The following TGFBR3L variants were observed in gnomAD, a reference collection of about 807,000 sequenced individuals.
TGFBR3L encodes transforming growth factor-beta receptor type 3-like protein.
Under a neutral mutation model 20.4 loss-of-function variants are expected in TGFBR3L, and 21 were observed. The observed-to-expected ratio is 1.03, with a 90% CI of 0.73 to 1.48. TGFBR3L has a LOEUF of 1.48. Ranked by LOEUF, TGFBR3L falls within the 40% of genes most tolerant of loss-of-function variation. The pLI is 0.00. For synonymous variants in TGFBR3L, 245 were observed against 244.2 expected (o/e 1.00, Z -0.03); for missense variants, 479 against 498.0 (o/e 0.96, Z 0.36).
In TGFBR3L at chr19:7,916,857, G is replaced by A; in HGVS notation, c.512G>A (p.Cys171Tyr). 7.2e-7 allele frequency: 1 copy of A among 1,396,988 alleles called. No individual in the cohort carries two copies. The highest frequency in any genetic ancestry group is 1.6e-5 in the South Asian group (1 of 63,458). The allele number at this position is 1,396,988 out of a possible 1,614,324, so 86.5% of individuals were successfully genotyped here. A position where few individuals can be genotyped will look rare whatever the true frequency, so the allele number is the denominator to read the frequency against. The change falls in exon 2 of 6, where the codon TGC becomes TAC. Residue 171 changes from cysteine to tyrosine, a missense_variant. Cys to Tyr is a radical substitution (Grantham distance 194). Coordinates refer to ENST00000565886, the MANE Select transcript of TGFBR3L (RefSeq NM_001195259.2). ...AACGCCTCGGTGCAGTTCCTGCACT[G>A]CCAGCTGAGCCGCTGCCGCCGCCTC...
chr19:7,918,637 G>T, intron 5 of TGFBR3L: 1 of 351,478 alleles, frequency 2.8e-6, no homozygotes, highest in East Asian at 4.3e-5. Context: ...CGAGAATGAT[G>T]AGGCATTCTC....
chr19:7,917,650 GGGA>G, intron 3 of TGFBR3L, 48 bp from the exon 5 acceptor site: 2 of 1,428,108 alleles, frequency 1.4e-6, no homozygotes, highest in Non-Finnish European at 1.8e-6. Context: ...CAGAGCGGGT[GGGA>G]AGGACGCCTG....
Position 7,919,021 on chromosome 19 carries a change from C to T in TGFBR3L, c.*110C>T, listed in dbSNP as rs1983455862. On this transcript the variant is annotated 3_prime_UTR_variant, in exon 6 of 6. Transcript: ENST00000565886. ...TCCCTGGACCTCGGACCTGATGAGG[C>T]CACGACCCCTGCGCTTCTCTCCTCC... The T allele has an allele frequency of 5.0e-6, 2 of 398,902 alleles. No homozygotes were observed. Among genetic ancestry groups the T allele is most frequent in the Non-Finnish European group, 8.8e-6 (2 of 226,260 alleles). 24.7% of individuals were successfully genotyped at this position (398,902 alleles called of 1,614,324 possible). A position where few individuals can be genotyped will look rare whatever the true frequency, so the allele number is the denominator to read the frequency against.
Position 7,914,970 on chromosome 19 carries a change from G to GT in TGFBR3L, c.-1295dup, listed in dbSNP as rs2145152718. 6.6e-6 allele frequency among the ~76,000 whole-genome samples: 1 copy of GT among 152,216 alleles called. No homozygotes were observed. The highest frequency in any genetic ancestry group is 2.1e-4 in the South Asian group (1 of 4,818). ...ACGGGTCTGTCATGCTTCTATCCCT[G>GT]TTTCACCCTCTTTATTTTTTTTGAG... On this transcript the variant is annotated 5_prime_UTR_variant, in exon 1 of 6. Transcript: ENST00000565886.
At position 7,916,250 on chromosome 19, in the gene TGFBR3L, A is replaced by G. The variant is rs1983281099; in HGVS notation, c.-18A>G. The G allele has an allele frequency of 6.5e-7, 1 of 1,529,640 alleles. No individual in the cohort carries two copies. The highest frequency in any genetic ancestry group is 2.5e-5 in the East Asian group (1 of 40,774). The allele number at this position is 1,529,640 out of a possible 1,614,324, so 94.8% of individuals were successfully genotyped here. On this transcript the variant is annotated 5_prime_UTR_variant, in exon 1 of 6. Coordinates refer to ENST00000565886, the MANE Select transcript of TGFBR3L (RefSeq NM_001195259.2). ...GGGGCACATCACCGTCAGGGGGGAA[A>G]GTGGCGCGGAGCCCATCATGGGTGA...
chr19:7,916,890 T>C lies in TGFBR3L; in HGVS notation c.545T>C (p.Val182Ala). ...AGCCGCTGCCGCCGCCTCCGGGGAG[T>C]CCGCCGGGCGCCTGCGCCTCTGACG... is the stretch of plus-strand genomic sequence containing the variant. The change falls in exon 2 of 6, where the codon GTC becomes GCC. Residue 182 changes from valine to alanine, a missense_variant. Transcript: ENST00000565886. 7.4e-7 allele frequency: 1 copy of C among 1,343,700 alleles called. No individual in the cohort carries two copies. The highest frequency in any genetic ancestry group is 9.5e-7 in the Non-Finnish European group (1 of 1,052,340). 83.2% of individuals were successfully genotyped at this position (1,343,700 alleles called of 1,614,324 possible). A position where few individuals can be genotyped will look rare whatever the true frequency, so the allele number is the denominator to read the frequency against.
chr19:7,917,783 G>A lies in TGFBR3L; in HGVS notation c.807G>A (p.Val269=). 1 of 1,439,734 alleles carries A rather than the reference G, an allele frequency of 6.9e-7. No homozygotes were observed. Among genetic ancestry groups the A allele is most frequent in the Non-Finnish European group, 9.1e-7 (1 of 1,104,334 alleles). The allele number at this position is 1,439,734 out of a possible 1,614,324, so 89.2% of individuals were successfully genotyped here. Residue 269 remains valine, a synonymous_variant, in exon 4 of 6, where the codon GTG becomes GTA. Transcript: ENST00000565886. Reference sequence around the variant, plus strand: ...CCGCGGCCCTGGAACCCGCGCCGGTGGTGGCGCTGGTGTTGGCAGCCTTCG... The same window carrying A: ...CCGCGGCCCTGGAACCCGCGCCGGTAGTGGCGCTGGTGTTGGCAGCCTTCG...
In TGFBR3L at chr19:7,917,606, A is replaced by T; in HGVS notation, c.724+7A>T. On this transcript the variant is annotated splice_region_variant and intron_variant, in intron 3 of 5. Coordinates refer to ENST00000565886, the MANE Select transcript of TGFBR3L (RefSeq NM_001195259.2). ...GTGCCGCGGCCGCCCCCCAGTGAGC[A>T]CGCAGTCCTCCTCCGCATGGGGCCG... 1 of 1,470,696 alleles carries T rather than the reference A, an allele frequency of 6.8e-7. No homozygotes were observed. Among genetic ancestry groups the T allele is most frequent in the Non-Finnish European group, 9.0e-7 (1 of 1,113,124 alleles). The allele number at this position is 1,470,696 out of a possible 1,614,324, so 91.1% of individuals were successfully genotyped here.
chr19:7,918,145 G>A lies in TGFBR3L; in HGVS notation c.*5+16G>A, dbSNP rs1483282982. On this transcript the variant is annotated intron_variant, in intron 5 of 5. Transcript: ENST00000565886. ...AGTGAGGAAGGTAGGTATGGAGGTG[G>A]AGGGAGCTGGGTGAGGTAGGAGATC... 1.0e-5 allele frequency: 16 copies of A among 1,535,438 alleles called. No individual in the cohort carries two copies. Among genetic ancestry groups the A allele is most frequent in the Non-Finnish European group, 1.4e-5 (16 of 1,146,476 alleles).
Position 7,916,228 on chromosome 19 carries a change from G to A in TGFBR3L, c.-40G>A, listed in dbSNP as rs1448721868. The A allele has an allele frequency of 6.6e-7, 1 of 1,519,798 alleles. No individual in the cohort carries two copies. 94.1% of individuals were successfully genotyped at this position (1,519,798 alleles called of 1,614,324 possible). On this transcript the variant is annotated 5_prime_UTR_variant, in exon 1 of 6. Coordinates refer to ENST00000565886, the MANE Select transcript of TGFBR3L (RefSeq NM_001195259.2). ...TGCGAGTCCCAGGGGTCGCCAGGGGGCACATCACCGTCAGGGGGGAAAGTG... is the reference window on the plus strand; with the variant it reads ...TGCGAGTCCCAGGGGTCGCCAGGGGACACATCACCGTCAGGGGGGAAAGTG...
In TGFBR3L at chr19:7,915,285, C is replaced by G. The variant is rs985705681; in HGVS notation, c.-983C>G. Among the ~76,000 whole-genome samples the G allele has an allele frequency of 6.6e-6, 1 of 152,194 alleles. No homozygotes were observed. On this transcript the variant is annotated 5_prime_UTR_variant, in exon 1 of 6. Transcript: ENST00000565886. ...GCCACCGCGCCCCACCGATGTCACT[C>G]TCTTTCAACTAGACCTTTGGTGGTG...
At chr19:7,917,439 GT>G (rs1883941847) in intron 2 of TGFBR3L, 33 bp from the exon 4 acceptor site, 11 of 1,517,906 alleles carry the variant, frequency 7.2e-6, no homozygotes, top group Non-Finnish European at 9.7e-6. Context: ...GTGCCCTGAT[GT>G]CCCCGTCTCT....
Position 7,916,404 on chromosome 19 carries a change from C to G in TGFBR3L, c.137C>G (p.Pro46Arg). The G allele has an allele frequency of 2.0e-6, 3 of 1,535,034 alleles. No individual in the cohort carries two copies. Among genetic ancestry groups the G allele is most frequent in the Non-Finnish European group, 2.6e-6 (3 of 1,146,492 alleles). Residue 46 changes from proline to arginine, a missense_variant, in exon 1 of 6, where the codon CCA becomes CGA. Coordinates refer to ENST00000565886, the MANE Select transcript of TGFBR3L (RefSeq NM_001195259.2). ...TTTGGGCCGCCCTTCCCCGCCCCGC[C>G]AGCTCCCCCGTTCCCCGCGGCGCCC... is the stretch of plus-strand genomic sequence containing the variant.
intron 5 of TGFBR3L, among the ~76,000 whole-genome samples, chr19:7,918,369 T>C (rs2145157786): frequency 6.6e-6 from 1 of 152,360 alleles, no homozygotes; most frequent in Middle Eastern, 3.4e-3. Context: ...CCTGAGTAGC[T>C]GGGATTACAG....
chr19:7,915,747 G>C lies in TGFBR3L; in HGVS notation c.-521G>C, dbSNP rs1157394863. ...AGGGAGACCCTGTCTCAGAAAACAA[G>C]AAAAATGGATGTGCAGGCAATCTTT... On this transcript the variant is annotated 5_prime_UTR_variant, in exon 1 of 6. Transcript: ENST00000565886. Among the ~76,000 whole-genome samples the C allele has an allele frequency of 6.6e-6, 1 of 152,182 alleles. No homozygotes were observed. Among genetic ancestry groups the C allele is most frequent in the Non-Finnish European group, 1.5e-5 (1 of 68,032 alleles).
Position 7,916,416 on chromosome 19 carries a change from T to C in TGFBR3L, c.149T>C (p.Phe50Ser). 6.5e-7 allele frequency: 1 copy of C among 1,534,580 alleles called. No individual in the cohort carries two copies. The highest frequency in any genetic ancestry group is 8.7e-7 in the Non-Finnish European group (1 of 1,146,288). The change falls in exon 1 of 6, where the codon TTC (phenylalanine) becomes TCC (serine). Residue 50 changes from phenylalanine (F) to serine (S), a missense_variant. Phe to Ser is a radical substitution (Grantham distance 155, BLOSUM62 -2). Transcript: ENST00000565886. ...TTCCCCGCCCCGCCAGCTCCCCCGT[T>C]CCCCGCGGCGCCCGGCCCCTGGCTG... is the stretch of plus-strand genomic sequence containing the variant.
chr19:7,918,688 G>A (rs915959272), intron 5 of TGFBR3L: 2 of 390,328 alleles, frequency 5.1e-6, no homozygotes, highest in Admixed American at 8.9e-5. Flanking sequence ...ACTGGGTGGA[G>A]CTTGGATTCG....
rs1293476124 is a variant in TGFBR3L, at chr19:7,917,694, C to T, written c.725-7C>T. ...TGGACCCAGTCTCAGCGTGGCACTT[C>T]CCACAGGGCCGCCCAAGAGTGTCCC... On this transcript the variant is annotated splice_polypyrimidine_tract_variant and splice_region_variant and intron_variant, in intron 3 of 5. Coordinates refer to ENST00000565886, the MANE Select transcript of TGFBR3L (RefSeq NM_001195259.2). 4 of 1,419,916 alleles carry T rather than the reference C, an allele frequency of 2.8e-6. No homozygotes were observed. The highest frequency in any genetic ancestry group is 3.7e-6 in the Non-Finnish European group (4 of 1,093,394). The allele number at this position is 1,419,916 out of a possible 1,614,324, so 88.0% of individuals were successfully genotyped here.
intron 5 of TGFBR3L, 44 bp from the exon 7 acceptor site, chr19:7,918,873 G>T: frequency 2.5e-6 from 1 of 398,542 alleles, no homozygotes; most frequent in Non-Finnish European, 4.4e-6. Context: ...GAGGTGGCCC[G>T]CGTAGCGTCC....
Sources: gnomAD v4.1 joint callset for allele counts (sites outside exome capture counted in the v4.1 genomes callset) on GRCh38, gnomAD v4.1.1 for gene constraint, MANE v1.5 for transcripts, NCBI Gene and HGNC (gene_info 2026-07-23, HGNC 2026-07-21) for gene names.